Variants in GREM2 observed in about 807,000 individuals in gnomAD.
The protein encoded by GREM2 is gremlin-2.
A neutral mutation model predicts 14.2 loss-of-function variants in GREM2; 11 were observed. The observed-to-expected ratio is 0.78, with a 90% CI of 0.49 to 1.28. GREM2 has a LOEUF of 1.28. Among genes scored for constraint, GREM2 ranks in the 50% most tolerant of loss-of-function variants. The pLI, the probability that GREM2 is intolerant of heterozygous loss-of-function variation, is 0.00. For missense variants in GREM2, 210 were observed against 218.5 expected, an observed-to-expected ratio of 0.96 and a Z score of 0.24; for synonymous variants, 98 against 97.6, an observed-to-expected ratio of 1.00 and a Z score of -0.02.
rs1162477711 is a variant in GREM2, at chr1:240,542,881, G to T, written c.-1-49405C>A. ...TATTAAAGCCTCCTAGTACACTGAAGATTCTTGGAAAATTATTGATCCTCT... is the reference window on the plus strand; with the variant it reads ...TATTAAAGCCTCCTAGTACACTGAATATTCTTGGAAAATTATTGATCCTCT... On this transcript the variant is annotated intron_variant, in intron 1 of 1. Transcript: ENST00000318160. This position sits in a 1 kb window ranked among gnomAD's most constrained non-coding sequence, Gnocchi z 4.1. Among the ~76,000 whole-genome samples the T allele has an allele frequency of 6.6e-6, 1 of 152,178 alleles. No individual in the cohort carries two copies. The highest frequency in any genetic ancestry group is 1.9e-4 in the East Asian group (1 of 5,176).
chr1:240,546,614 T>C (rs1356665018), intron 1 of GREM2, among the ~76,000 whole-genome samples: 1 of 152,214 alleles, frequency 6.6e-6, no homozygotes, highest in Non-Finnish European at 1.5e-5. Context: ...TGTAGAGGTA[T>C]GGACTACAGA....
rs1678627457 is a variant in GREM2, at chr1:240,543,003, C to T, written c.-1-49527G>A. On this transcript the variant is annotated intron_variant, in intron 1 of 1. Coordinates refer to ENST00000318160, the MANE Select transcript of GREM2 (RefSeq NM_022469.4). This position sits in a 1 kb window ranked among gnomAD's most constrained non-coding sequence, Gnocchi z 6.4. ...TGAAGCCTCTTACTTTCCTTCCGAC[C>T]CATTGTCAAGATCCCACTAAAATAT... is the stretch of plus-strand genomic sequence containing the variant. Among the ~76,000 whole-genome samples the T allele has an allele frequency of 6.6e-6, 1 of 152,164 alleles. No homozygotes were observed. The highest frequency in any genetic ancestry group is 1.5e-5 in the Non-Finnish European group (1 of 68,036).
At chr1:240,547,994 G>A (rs1678773154) in intron 1 of GREM2, among the ~76,000 whole-genome samples, 1 of 152,010 alleles carries the variant, frequency 6.6e-6, no homozygotes, top group East Asian at 1.9e-4. Context: ...GGGCATGGTG[G>A]CTCACACCTG....
chr1:240,578,574 C>G (rs888959651), intron 1 of GREM2, among the ~76,000 whole-genome samples: 1 of 151,908 alleles, frequency 6.6e-6, no homozygotes, highest in Middle Eastern at 3.4e-3. Context: ...CACTTGAGGT[C>G]AGGGGTTCAA....
intron 1 of GREM2, among the ~76,000 whole-genome samples, chr1:240,496,575 T>C (rs1189685708): frequency 2.0e-5 from 3 of 152,224 alleles, no homozygotes; most frequent in Non-Finnish European, 4.4e-5. Context: ...TCTAACGAGA[T>C]AGTATTTCAT....
At chr1:240,546,519 A>G (rs1286251825) in intron 1 of GREM2, among the ~76,000 whole-genome samples, 1 of 152,152 alleles carries the variant, frequency 6.6e-6, no homozygotes, top group Non-Finnish European at 1.5e-5. Flanking sequence ...ACTTTATCAT[A>G]TTATCTCTGC....
intron 1 of GREM2, among the ~76,000 whole-genome samples, chr1:240,583,769 CT>C (rs769988623): frequency 7.9e-4 from 120 of 152,012 alleles, no homozygotes; most frequent in Non-Finnish European, 1.2e-3. Context: ...GCCCAGCTAA[CT>C]TTTTTGTATT....
intron 1 of GREM2, among the ~76,000 whole-genome samples, chr1:240,558,540 T>C (rs74149165): frequency 0.044 from 6,622 of 152,150 alleles, 411 homozygotes; most frequent in African/African-American, 0.13. Flanking sequence ...GGAGGAAGCT[T>C]AGCAAGTTCT....
intron 1 of GREM2, among the ~76,000 whole-genome samples, chr1:240,532,652 G>T (rs745849270): frequency 8.9e-4 from 57 of 64,368 alleles, no homozygotes; most frequent in African/African-American, 3.5e-3. Context: ...TAGATAGATA[G>T]ATAGATAGAT....
intron 1 of GREM2, among the ~76,000 whole-genome samples, chr1:240,522,246 T>C (rs568260880): frequency 7.4e-4 from 111 of 150,560 alleles, no homozygotes; most frequent in African/African-American, 2.5e-3. Flanking sequence ...AAAGAGCAAA[T>C]ATAGAGCACA....
intron 1 of GREM2, among the ~76,000 whole-genome samples, chr1:240,520,217 G>A (rs939668913): frequency 6.6e-6 from 1 of 152,172 alleles, no homozygotes; most frequent in Non-Finnish European, 1.5e-5. Flanking sequence ...AGTATGCCAA[G>A]CACATGGTCA....
In GREM2 at chr1:240,516,121, C is replaced by A. The variant is rs554966344; in HGVS notation, c.-1-22645G>T. ...ATCAAGGTCATTGAGTTCTCTCCAA[C>A]CCTGACTTTTTTTTTTTTTTTAAGA... On this transcript the variant is annotated intron_variant, in intron 1 of 1. Coordinates refer to ENST00000318160, the MANE Select transcript of GREM2 (RefSeq NM_022469.4). Among the ~76,000 whole-genome samples the A allele has an allele frequency of 4.8e-5, 6 of 124,094 alleles. No homozygotes were observed. In the South Asian group the frequency reaches 1.4e-3, roughly 30 times the overall value. 81.4% of individuals were successfully genotyped at this position (124,094 alleles called of 152,430 possible). A position where few individuals can be genotyped will look rare whatever the true frequency, so the allele number is the denominator to read the frequency against.
In GREM2 at chr1:240,492,513, C is replaced by A. The variant is rs1677279840; in HGVS notation, c.*456G>T. On this transcript the variant is annotated 3_prime_UTR_variant, in exon 2 of 2. Coordinates refer to ENST00000318160, the MANE Select transcript of GREM2 (RefSeq NM_022469.4). ...CGCTCCCAGCCAGAGGTCCAGGGAC[C>A]AGCAGGAGAGGTCTGAGGGGCCGCT... The A allele has an allele frequency of 5.5e-6, 1 of 181,904 alleles. No individual in the cohort carries two copies. Among genetic ancestry groups the A allele is most frequent in the Admixed American group, 5.6e-5 (1 of 17,980 alleles). 11.3% of individuals were successfully genotyped at this position (181,904 alleles called of 1,614,324 possible).
Position 240,492,554 on chromosome 1 carries a change from T to A in GREM2, c.*415A>T, listed in dbSNP as rs1031522096. The A allele has an allele frequency of 6.1e-6, 1 of 164,152 alleles. No individual in the cohort carries two copies. The highest frequency in any genetic ancestry group is 2.4e-5 in the African/African-American group (1 of 42,204). 10.2% of individuals were successfully genotyped at this position (164,152 alleles called of 1,614,324 possible). A position where few individuals can be genotyped will look rare whatever the true frequency, so the allele number is the denominator to read the frequency against. ...AGGGGCCGCTCAGAAAAGTGACGCA[T>A]CCTTCACTTCGCGCGGGAAAGGGGC... On this transcript the variant is annotated 3_prime_UTR_variant, in exon 2 of 2. Coordinates refer to ENST00000318160, the MANE Select transcript of GREM2 (RefSeq NM_022469.4).
chr1:240,507,571 G>A (rs1238028080), intron 1 of GREM2, among the ~76,000 whole-genome samples: 3 of 152,086 alleles, frequency 2.0e-5, no homozygotes, highest in Non-Finnish European at 4.4e-5. Context: ...GACCTCAAGT[G>A]ATACGCCCAC....
intron 1 of GREM2, among the ~76,000 whole-genome samples, chr1:240,579,677 G>A (rs1572408326): frequency 6.6e-6 from 1 of 152,188 alleles, no homozygotes; most frequent in African/African-American, 2.4e-5. Flanking sequence ...CATGGGATTG[G>A]ACAAAATGCT....
intron 1 of GREM2, among the ~76,000 whole-genome samples, chr1:240,525,731 G>A (rs61832599): frequency 0.069 from 10,475 of 152,022 alleles, 416 homozygotes; most frequent in Middle Eastern, 0.14. Flanking sequence ...CACCCTCCTC[G>A]GCCTCCCAAA....
Position 240,540,090 on chromosome 1 carries a change from AC to A in GREM2, c.-1-46615del, listed in dbSNP as rs1255297502. ...TAGCTGACAGCCACTCTGTTCCTAT[AC>A]CCCTGACTAAATTGCAGTTATGTCT... is the stretch of plus-strand genomic sequence containing the variant. On this transcript the variant is annotated intron_variant, in intron 1 of 1. Coordinates refer to ENST00000318160, the MANE Select transcript of GREM2 (RefSeq NM_022469.4). This position sits in a 1 kb window ranked among gnomAD's most constrained non-coding sequence, Gnocchi z 4.2. 6.6e-6 allele frequency among the ~76,000 whole-genome samples: 1 copy of A among 151,966 alleles called. No homozygotes were observed. Among genetic ancestry groups the A allele is most frequent in the Non-Finnish European group, 1.5e-5 (1 of 68,016 alleles).
Position 240,493,541 on chromosome 1 carries a change from A to AT in GREM2, c.-1-66dup, listed in dbSNP as rs763321765. On this transcript the variant is annotated intron_variant, in intron 1 of 1. Coordinates refer to ENST00000318160, the MANE Select transcript of GREM2 (RefSeq NM_022469.4). ...GTAGAGTACGGGATCAATCTTACTT[A>AT]TTTTTTTTTTTATTTTAGACATGGT... 20,253 of 1,195,084 alleles carry AT rather than the reference A, an allele frequency of 0.017. 881 individuals are homozygous for AT. The African/African-American group carries it at 0.2, about 12-fold the overall frequency. 74.0% of individuals were successfully genotyped at this position (1,195,084 alleles called of 1,614,324 possible).
Sources: gnomAD v4.1 joint callset for allele counts (sites outside exome capture counted in the v4.1 genomes callset) on GRCh38, gnomAD v4.1.1 for gene constraint, Gnocchi (gnomAD v3.1) non-coding constraint, MANE v1.5 for transcripts, NCBI Gene and HGNC (gene_info 2026-07-23, HGNC 2026-07-21) for gene names.